SYT16: variants seen among roughly 807,000 people sequenced by gnomAD.
SYT16 encodes the protein synaptotagmin-16.
Under a neutral mutation model 61.4 loss-of-function variants are expected in SYT16, and 42 were observed. The observed-to-expected ratio is 0.68, with a 90% CI of 0.53 to 0.89. The LOEUF (loss-of-function observed/expected upper bound fraction) is 0.89. Ranked by LOEUF, SYT16 falls within the 40% of genes least tolerant of loss-of-function variation. The pLI, the probability that SYT16 is intolerant of heterozygous loss-of-function variation, is 0.00. For synonymous variants in SYT16, 314 were observed against 302.3 expected, an observed-to-expected ratio of 1.04 and a Z score of -0.40; for missense variants, 804 against 807.3, an observed-to-expected ratio of 1.00 and a Z score of 0.05.
intron 3 of SYT16, among the ~76,000 whole-genome samples, chr14:62,064,038 T>A (rs932213572): frequency 6.6e-5 from 10 of 152,168 alleles, no homozygotes; most frequent in Admixed American, 6.5e-5. Flanking sequence ...TGTGTAACTT[T>A]TTTTCTGTCA....
chr14:61,824,593 C>A (rs2045717903), intron 1 of SYT16, among the ~76,000 whole-genome samples: 1 of 152,172 alleles, frequency 6.6e-6, no homozygotes, highest in Admixed American at 6.5e-5. Flanking sequence ...ACCTCATGAT[C>A]CGCCCGCCTG....
intron 1 of SYT16, among the ~76,000 whole-genome samples, chr14:61,818,568 C>T (rs1284060526): frequency 6.6e-6 from 1 of 151,074 alleles, no homozygotes; most frequent in East Asian, 1.9e-4. Context: ...ATCCCAGCTA[C>T]TTGGGAGGCT....
rs114565545 is a variant in SYT16, at chr14:62,037,664, C to T, written c.524-31939C>T. 4.3e-3 allele frequency among the ~76,000 whole-genome samples: 652 copies of T among 152,230 alleles called. 8 individuals carry two copies. Among genetic ancestry groups the T allele is most frequent in the African/African-American group, 0.015 (619 of 41,536 alleles). Reference sequence around the variant, plus strand: ...TATTACAAGGTGTTTCCTCAGACTCCACTGGGGTATTAAATAATACATGGT... The same window carrying T: ...TATTACAAGGTGTTTCCTCAGACTCTACTGGGGTATTAAATAATACATGGT... On this transcript the variant is annotated intron_variant, in intron 3 of 7. Transcript: ENST00000683842.
intron 3 of SYT16, among the ~76,000 whole-genome samples, chr14:62,021,699 C>T (rs1296015623): frequency 6.6e-6 from 1 of 152,014 alleles, no homozygotes; most frequent in African/African-American, 2.4e-5. Context: ...TCTCTAGTCT[C>T]TCCCTCAGCC....
At chr14:61,875,746 A>G (rs112742296) in intron 1 of SYT16, among the ~76,000 whole-genome samples, 40 of 152,338 alleles carry the variant, frequency 2.6e-4, no homozygotes, top group African/African-American at 9.6e-4. Context: ...GTACCAAACC[A>G]TGCATGCCTG....
chr14:61,934,081 T>A (rs2049882993), intron 1 of SYT16, among the ~76,000 whole-genome samples: 1 of 152,216 alleles, frequency 6.6e-6, no homozygotes, highest in African/African-American at 2.4e-5. Context: ...TTGCTGCATA[T>A]ACTTTTTCTG....
intron 1 of SYT16, among the ~76,000 whole-genome samples, chr14:61,940,282 C>CT (rs1313955904): frequency 1.3e-5 from 2 of 151,452 alleles, no homozygotes; most frequent in Non-Finnish European, 2.9e-5. Context: ...TAGGCTGATG[C>CT]TTAAAGGTCC....
chr14:61,839,369 C>T (rs1456592428), intron 1 of SYT16, among the ~76,000 whole-genome samples: 1 of 152,152 alleles, frequency 6.6e-6, no homozygotes, highest in Non-Finnish European at 1.5e-5. Flanking sequence ...TTTTCAGCCT[C>T]CAGAACTGTG....
At chr14:61,847,961 G>A (rs1037633338) in intron 1 of SYT16, among the ~76,000 whole-genome samples, 7 of 152,060 alleles carry the variant, frequency 4.6e-5, no homozygotes, top group South Asian at 2.1e-4. Flanking sequence ...TGAATTCTTC[G>A]TGTTATCTTG....
chr14:61,995,967 A>G lies in SYT16; in HGVS notation c.-53A>G, dbSNP rs1328195118. 4.0e-6 allele frequency: 6 copies of G among 1,500,402 alleles called. No individual in the cohort carries two copies. The highest frequency in any genetic ancestry group is 5.4e-6 in the Non-Finnish European group (6 of 1,119,316). The allele number at this position is 1,500,402 out of a possible 1,614,324, so 92.9% of individuals were successfully genotyped here. A position where few individuals can be genotyped will look rare whatever the true frequency, so the allele number is the denominator to read the frequency against. On this transcript the variant is annotated 5_prime_UTR_variant, in exon 3 of 8. Transcript: ENST00000683842. Reference sequence around the variant, plus strand: ...TTATTCTATAGTTCACATTCAATCCAGAGCACTGAAGGAACTGAACAACTG... The same window carrying G: ...TTATTCTATAGTTCACATTCAATCCGGAGCACTGAAGGAACTGAACAACTG...
chr14:62,098,374 A>G (rs965374697), intron 7 of SYT16, among the ~76,000 whole-genome samples: 15 of 152,240 alleles, frequency 9.9e-5, no homozygotes, highest in Admixed American at 9.2e-4. Context: ...AGTTGCAGAT[A>G]AAGGTCAAGA....
At position 61,868,332 on chromosome 14, in the gene SYT16, A is replaced by C. The variant is rs1594791088; in HGVS notation, c.-325+55522A>C. Among the ~76,000 whole-genome samples the C allele has an allele frequency of 2.0e-5, 3 of 151,788 alleles. No individual in the cohort carries two copies. The East Asian group carries it at 5.8e-4, about 29-fold the overall frequency. ...TTTTTTTGTTATTTAAAAAAATTTTATTTCCTTAATTTTTGCTTTCATCTG... is the reference window on the plus strand; with the variant it reads ...TTTTTTTGTTATTTAAAAAAATTTTCTTTCCTTAATTTTTGCTTTCATCTG... On this transcript the variant is annotated intron_variant, in intron 1 of 7. Transcript: ENST00000683842.
At chr14:61,905,724 A>G (rs111327952) in intron 1 of SYT16, among the ~76,000 whole-genome samples, 6,746 of 147,852 alleles carry the variant, frequency 0.046, 254 homozygotes, top group Non-Finnish European at 0.068. Context: ...GATCCCCTCC[A>G]CTTCTATTTT....
Position 61,996,306 on chromosome 14 carries a change from G to A in SYT16, c.287G>A (p.Ser96Asn), listed in dbSNP as rs1012426255. 1 of 1,613,500 alleles carries A rather than the reference G, an allele frequency of 6.2e-7. No homozygotes were observed. Among genetic ancestry groups the A allele is most frequent in the South Asian group, 1.1e-5 (1 of 91,072 alleles). ...GTGGATCATTTCTCATGTTGTAATA[G>A]TGATTTGCAGGACTCTGCCCAAAAT... The part of the protein sequence containing the change: ...LEVDHFSCCN[S>N]DLQDSAQNSS... Residue 96 changes from serine to asparagine, a missense_variant, in exon 3 of 8, where the codon AGT becomes AAT. Physicochemically the swap from Ser to Asn is conservative, Grantham distance 46. Transcript: ENST00000683842.
chr14:61,856,572 G>T (rs193253508), intron 1 of SYT16, among the ~76,000 whole-genome samples: 1 of 152,300 alleles, frequency 6.6e-6, no homozygotes, highest in Non-Finnish European at 1.5e-5. Flanking sequence ...GGGGAAGACT[G>T]TGGAAGGAGC....
rs1459060667 is a variant in SYT16 at position 62,112,480 on chromosome 14, T to G, written c.*11773T>G. ...TGAATTCATGATAGTTCATGAAAAC[T>G]GAAAATCATTCCAATTTTGTAAAAC... On this transcript the variant is annotated 3_prime_UTR_variant, in exon 8 of 8. Transcript: ENST00000683842. 1 of 152,186 alleles carries G rather than the reference T, an allele frequency of 6.6e-6. No individual in the cohort carries two copies. Among genetic ancestry groups the G allele is most frequent in the Non-Finnish European group, 1.5e-5 (1 of 68,004 alleles). 9.4% of individuals were successfully genotyped at this position (152,186 alleles called of 1,614,324 possible).
At chr14:61,954,211 C>T (rs1270361845) in intron 1 of SYT16, among the ~76,000 whole-genome samples, 1 of 151,954 alleles carries the variant, frequency 6.6e-6, no homozygotes, top group Non-Finnish European at 1.5e-5. Flanking sequence ...GCTCAGTTAT[C>T]TGGTTCCCTC....
At chr14:62,038,750 A>G (rs1188531080) in intron 3 of SYT16, among the ~76,000 whole-genome samples, 2 of 152,154 alleles carry the variant, frequency 1.3e-5, no homozygotes, top group Non-Finnish European at 2.9e-5. Flanking sequence ...GTACTTGAGA[A>G]TCAGAAAGGG....
At chr14:61,814,947 C>T (rs2045382595) in intron 1 of SYT16, among the ~76,000 whole-genome samples, 1 of 152,132 alleles carries the variant, frequency 6.6e-6, no homozygotes, top group African/African-American at 2.4e-5. Context: ...AGGGCTTCTC[C>T]CAGATACAGA....
Sources: gnomAD v4.1 joint callset for allele counts (sites outside exome capture counted in the v4.1 genomes callset) on GRCh38, gnomAD v4.1.1 for gene constraint, MANE v1.5 for transcripts, NCBI Gene and HGNC (gene_info 2026-07-23, HGNC 2026-07-21) for gene names.